The following ANKRD11 variants were observed in gnomAD, a reference collection of about 807,000 sequenced individuals.
ANKRD11 encodes ankyrin repeat domain-containing protein 11.
Under a neutral mutation model 195.7 loss-of-function variants are expected in ANKRD11, and 17 were observed. The ratio of observed to expected loss-of-function variants is 0.09; its 90% CI spans 0.06 to 0.13. ANKRD11 has a LOEUF of 0.13. Ranked by LOEUF, ANKRD11 falls within the 10% of genes least tolerant of loss-of-function variation. The pLI, the probability that ANKRD11 is intolerant of heterozygous loss-of-function variation, is 1.00. For synonymous variants in ANKRD11, 1,953 were observed against 1,528.1 expected (o/e 1.28, Z -6.49); for missense variants, 3,735 against 3,566.1 (o/e 1.05, Z -1.21).
At chr16:89,391,613 C>T (rs907699669) in intron 2 of ANKRD11, among the ~76,000 whole-genome samples, 1 of 152,188 alleles carries the variant, frequency 6.6e-6, no homozygotes, top group Admixed American at 6.5e-5. Context: ...CTTAGAAATA[C>T]ATGAAGTCAA....
chr16:89,404,191 G>C (rs929336034), intron 2 of ANKRD11, among the ~76,000 whole-genome samples: 2 of 152,148 alleles, frequency 1.3e-5, no homozygotes, highest in African/African-American at 2.4e-5. Flanking sequence ...ACCAGCCTCA[G>C]GCAGCATGGG....
chr16:89,417,276 G>A (rs1279483521), intron 2 of ANKRD11, among the ~76,000 whole-genome samples: 3 of 152,212 alleles, frequency 2.0e-5, no homozygotes, highest in Admixed American at 1.3e-4. Context: ...TTTGCTGGGA[G>A]TAACAACACA....
intron 1 of ANKRD11, chr16:89,443,353 G>C (rs372058526): frequency 1.2e-5 from 1 of 80,262 alleles, no homozygotes; most frequent in African/African-American, 3.6e-5. Flanking sequence ...CTAAAAATTC[G>C]AACAACAGAG....
intron 3 of ANKRD11, among the ~76,000 whole-genome samples, chr16:89,314,289 C>T (rs1359711090): frequency 6.6e-6 from 1 of 152,082 alleles, no homozygotes; most frequent in African/African-American, 2.4e-5. Context: ...CAAAAAACCA[C>T]ACATACAACT....
chr16:89,324,797 CT>C, intron 2 of ANKRD11: 1 of 290,384 alleles, frequency 3.4e-6, no homozygotes, highest in Non-Finnish European at 6.8e-6. Context: ...GGCTTCCCGA[CT>C]TTTGAGGTTT....
At chr16:89,276,683 G>A (rs1339605513) in intron 9 of ANKRD11, among the ~76,000 whole-genome samples, 1 of 152,240 alleles carries the variant, frequency 6.6e-6, no homozygotes, top group Non-Finnish European at 1.5e-5. Context: ...GGCACATTCA[G>A]GGGAGGCTGG....
At chr16:89,277,084 G>A (rs988750072) in intron 9 of ANKRD11, among the ~76,000 whole-genome samples, 3 of 150,480 alleles carry the variant, frequency 2.0e-5, no homozygotes, top group Non-Finnish European at 3.0e-5. Flanking sequence ...ATTAAAAAAT[G>A]TAGCAAAGTC....
chr16:89,430,977 G>C (rs963676176), intron 1 of ANKRD11, among the ~76,000 whole-genome samples: 2 of 151,958 alleles, frequency 1.3e-5, no homozygotes, highest in African/African-American at 4.8e-5. Flanking sequence ...AAACAGAAAC[G>C]GCCACTCCAG....
At chr16:89,413,952 C>T (rs541524285) in intron 2 of ANKRD11, among the ~76,000 whole-genome samples, 5 of 152,156 alleles carry the variant, frequency 3.3e-5, no homozygotes, top group Non-Finnish European at 7.4e-5. Context: ...CAGACAGGGA[C>T]CCCAGCACAG....
chr16:89,330,494 G>T (rs1415357150), intron 2 of ANKRD11, among the ~76,000 whole-genome samples: 2 of 152,044 alleles, frequency 1.3e-5, no homozygotes, highest in African/African-American at 4.8e-5. Flanking sequence ...ATGTCCGTGG[G>T]GCTACGTGAG....
In ANKRD11 at chr16:89,287,752, C is replaced by T. The variant is rs1015068377; in HGVS notation, c.744+776G>A. 4.6e-5 allele frequency: 8 copies of T among 173,694 alleles called. No individual in the cohort carries two copies. The East Asian group carries it at 1.3e-3, about 28-fold the overall frequency. The allele number at this position is 173,694 out of a possible 1,614,324, so 10.8% of individuals were successfully genotyped here. On this transcript the variant is annotated intron_variant, in intron 7 of 12. Coordinates refer to ENST00000301030, the MANE Select transcript of ANKRD11 (RefSeq NM_013275.6). ...CAGAGTCTTCAATCCACCCCCCACC[C>T]CACCGGAACAAGCCGTTTCTCAAGT... is the stretch of plus-strand genomic sequence containing the variant.
intron 1 of ANKRD11, among the ~76,000 whole-genome samples, chr16:89,437,064 C>T (rs2043245298): frequency 6.6e-6 from 1 of 152,154 alleles, no homozygotes; most frequent in African/African-American, 2.4e-5. Flanking sequence ...AAGGAGATGT[C>T]ACAGAAGAAA....
Position 89,317,003 on chromosome 16 carries a change from C to A in ANKRD11, c.17G>T (p.Cys6Phe). MPKGGCPKAPQQEELP... is the reference protein window; with the variant it reads MPKGGFPKAPQQEELP... ...CTCTTCCTGCTGTGGTGCTTTAGGG[C>A]ACCCACCCTTGGGCATCGTCCTGCT... The change falls in exon 3 of 13, where the codon TGC becomes TTC. Residue 6 changes from cysteine (C) to phenylalanine (F), a missense_variant. Transcript: ENST00000301030. 3.1e-6 allele frequency: 5 copies of A among 1,613,714 alleles called. No homozygotes were observed. Among genetic ancestry groups the A allele is most frequent in the Non-Finnish European group, 3.4e-6 (4 of 1,179,854 alleles).
At chr16:89,393,290 CTTTT>C (rs887714190) in intron 2 of ANKRD11, among the ~76,000 whole-genome samples, 2 of 151,140 alleles carry the variant, frequency 1.3e-5, no homozygotes, top group African/African-American at 2.4e-5. Context: ...TTAGTTTCCT[CTTTT>C]TTTTACTTTT....
chr16:89,474,364 C>T (rs1282839793), intron 1 of ANKRD11, among the ~76,000 whole-genome samples: 1 of 151,926 alleles, frequency 6.6e-6, no homozygotes, highest in Non-Finnish European at 1.5e-5. Context: ...TGCCTGTAAT[C>T]CCAGCACTAT....
At position 89,451,411 on chromosome 16, in the gene ANKRD11, C is replaced by CT. The variant is rs66712285; in HGVS notation, c.-144-33044dup. On this transcript the variant is annotated intron_variant, in intron 1 of 12. Coordinates refer to ENST00000301030, the MANE Select transcript of ANKRD11 (RefSeq NM_013275.6). ...ATTATGGTGATGATTTCACAAATTACTTTTTTTTTTTTTTTTTTGAGACGA... is the reference window on the plus strand; with the variant it reads ...ATTATGGTGATGATTTCACAAATTACTTTTTTTTTTTTTTTTTTTGAGACGA... Among the ~76,000 whole-genome samples, 503 of 130,156 alleles carry CT rather than the reference C, an allele frequency of 3.9e-3. 7 individuals carry two copies. The highest frequency in any genetic ancestry group is 4.6e-3 in the South Asian group (19 of 4,166). The allele number at this position is 130,156 out of a possible 152,430, so 85.4% of individuals were successfully genotyped here. A position where few individuals can be genotyped will look rare whatever the true frequency, so the allele number is the denominator to read the frequency against.
chr16:89,353,094 A>T (rs1316599972), intron 2 of ANKRD11, among the ~76,000 whole-genome samples: 1 of 152,232 alleles, frequency 6.6e-6, no homozygotes, highest in South Asian at 2.1e-4. Context: ...AATTAATCCC[A>T]GCACTTTGGG....
intron 2 of ANKRD11, among the ~76,000 whole-genome samples, chr16:89,334,258 A>T (rs2038230132): frequency 6.6e-6 from 1 of 151,532 alleles, no homozygotes; most frequent in South Asian, 2.1e-4. Context: ...AGCCCTCATC[A>T]ATGGCCTTCA....
chr16:89,473,704 G>T (rs979569192), intron 1 of ANKRD11, among the ~76,000 whole-genome samples: 1 of 152,176 alleles, frequency 6.6e-6, no homozygotes, highest in African/African-American at 2.4e-5. Flanking sequence ...AGTATCCAGG[G>T]AATGAGGGTT....
Sources: gnomAD v4.1 joint callset for allele counts (sites outside exome capture counted in the v4.1 genomes callset) on GRCh38, gnomAD v4.1.1 for gene constraint, MANE v1.5 for transcripts, NCBI Gene and HGNC (gene_info 2026-07-23, HGNC 2026-07-21) for gene names.